The following RPTOR variants were observed in gnomAD, a reference collection of about 807,000 sequenced individuals.
RPTOR encodes regulatory associated protein of MTOR complex 1, also known as regulatory-associated protein of mTOR.
In RPTOR, 21 loss-of-function variants were observed where a neutral mutation model predicts 169.9. The observed-to-expected ratio is 0.12, with a 90% CI of 0.09 to 0.18. The LOEUF is 0.18. Ranked by LOEUF, RPTOR falls within the 10% of genes least tolerant of loss-of-function variation. The pLI is 1.00. For synonymous variants in RPTOR, 732 were observed against 753.2 expected (o/e 0.97, Z 0.46); for missense variants, 1,133 against 1,855.9 (o/e 0.61, Z 7.16).
chr17:80,962,562 C>T lies in RPTOR; in HGVS notation c.3794C>T (p.Ala1265Val), dbSNP rs1429511398. Residue 1265 changes from alanine to valine, a missense_variant, in exon 32 of 34, where the codon GCG (alanine) becomes GTG (valine). This residue lies in a region of RPTOR where 410 missense variants were observed against 623.7 expected (regional missense o/e 0.66). Coordinates refer to ENST00000306801, the MANE Select transcript of RPTOR (RefSeq NM_020761.3). ...GLTALDIHPQ[A>V]DLIACGSVNQ... ...ACGGCCCTGGACATCCACCCCCAGG[C>T]GGACCTGATCGCATGGTAGGCGCCA... 2.1e-5 allele frequency: 34 copies of T among 1,613,240 alleles called. No individual in the cohort carries two copies. The highest frequency in any genetic ancestry group is 4.0e-5 in the African/African-American group (3 of 74,932).
chr17:80,764,416 G>GT (rs929310152), intron 6 of RPTOR, among the ~76,000 whole-genome samples: 9 of 149,494 alleles, frequency 6.0e-5, no homozygotes, highest in Non-Finnish European at 1.0e-4. Context: ...GCAGTGTTTG[G>GT]TTTTTTGTCC....
chr17:80,886,292 C>T (rs1028577025), intron 17 of RPTOR, among the ~76,000 whole-genome samples: 1 of 152,206 alleles, frequency 6.6e-6, no homozygotes, highest in Admixed American at 6.5e-5. Context: ...ATCGTGTGTA[C>T]CCTTCTAGAA....
intron 4 of RPTOR, among the ~76,000 whole-genome samples, chr17:80,719,511 T>A (rs886742557): frequency 6.6e-6 from 1 of 152,184 alleles, no homozygotes; most frequent in Non-Finnish European, 1.5e-5. Flanking sequence ...TAAAGCCCCT[T>A]AAGGGCACAG....
chr17:80,889,856 C>T (rs1161002498), intron 17 of RPTOR, among the ~76,000 whole-genome samples: 31 of 121,622 alleles, frequency 2.5e-4, no homozygotes, highest in South Asian at 1.1e-3. Context: ...GGGAGGCCCC[C>T]GTATGCAGCA....
At chr17:80,802,008 C>T (rs1024609376) in intron 7 of RPTOR, 1 of 152,224 alleles carries the variant, frequency 6.6e-6, no homozygotes, top group Non-Finnish European at 1.5e-5. Flanking sequence ...GGGTCCCCTT[C>T]GTGTTCGATG....
At chr17:80,889,856 CGT>C (rs2068295756) in intron 17 of RPTOR, among the ~76,000 whole-genome samples, 2 of 121,536 alleles carry the variant, frequency 1.6e-5, no homozygotes, top group Non-Finnish European at 3.6e-5. Context: ...GGGAGGCCCC[CGT>C]ATGCAGCAGG....
intron 21 of RPTOR, among the ~76,000 whole-genome samples, chr17:80,922,408 G>A (rs771448542): frequency 6.6e-6 from 1 of 152,182 alleles, no homozygotes; most frequent in African/African-American, 2.4e-5. Flanking sequence ...AGGGTGGGCC[G>A]TCATCCATCT....
At chr17:80,728,490 T>C (rs897256400) in intron 4 of RPTOR, among the ~76,000 whole-genome samples, 26 of 145,834 alleles carry the variant, frequency 1.8e-4, no homozygotes, top group African/African-American at 6.3e-4. Flanking sequence ...GATAGCAAAA[T>C]ACCAAATGGC....
chr17:80,622,922 A>T (rs1157762614), intron 1 of RPTOR, among the ~76,000 whole-genome samples: 1 of 152,176 alleles, frequency 6.6e-6, no homozygotes, highest in African/African-American at 2.4e-5. Flanking sequence ...ACAAAACAAA[A>T]AAAGAAAGTG....
At chr17:80,626,927 T>A (rs1474989232) in intron 2 of RPTOR, among the ~76,000 whole-genome samples, 2 of 152,110 alleles carry the variant, frequency 1.3e-5, no homozygotes, top group Non-Finnish European at 2.9e-5. Context: ...AAACAGAAAC[T>A]CTGTCTCCAT....
intron 3 of RPTOR, among the ~76,000 whole-genome samples, chr17:80,679,775 T>C (rs1056342468): frequency 6.6e-6 from 1 of 152,268 alleles, no homozygotes; most frequent in African/African-American, 2.4e-5. Flanking sequence ...CATTCAAAGT[T>C]CTGCCTCAAG....
At chr17:80,673,800 G>A (rs1480421994) in intron 3 of RPTOR, among the ~76,000 whole-genome samples, 1 of 152,240 alleles carries the variant, frequency 6.6e-6, no homozygotes, top group East Asian at 1.9e-4. Context: ...AGCATTGGCA[G>A]CCATCAAATG....
intron 15 of RPTOR, 47 bp from the exon 16 acceptor site, chr17:80,883,734 G>A (rs2068211070): frequency 6.2e-7 from 1 of 1,604,130 alleles, no homozygotes; most frequent in African/African-American, 1.3e-5. Context: ...CCACGTGCCT[G>A]CCATTGGCAG....
chr17:80,892,088 T>C (rs928915867), intron 18 of RPTOR, among the ~76,000 whole-genome samples: 2 of 152,238 alleles, frequency 1.3e-5, no homozygotes, highest in Non-Finnish European at 2.9e-5. Context: ...CACAGAGACC[T>C]TGAAGTATGA....
Position 80,838,187 on chromosome 17 carries a change from T to A in RPTOR, c.1212+190T>A, listed in dbSNP as rs759837444. 3.9e-5 allele frequency among the ~76,000 whole-genome samples: 6 copies of A among 152,366 alleles called. No homozygotes were observed. In the East Asian group the frequency reaches 1.2e-3, roughly 29 times the overall value. On this transcript the variant is annotated intron_variant, in intron 10 of 33. Transcript: ENST00000306801. Reference sequence around the variant, plus strand: ...TCAACCAGGGTTTAAAGTTAAACTTTGAAAGAATCAACTTTTAAAACAGTC... The same window carrying A: ...TCAACCAGGGTTTAAAGTTAAACTTAGAAAGAATCAACTTTTAAAACAGTC...
rs1384748140 is a variant in RPTOR at position 80,695,407 on chromosome 17, C to G, written c.349-12434C>G. The stretch of plus-strand genomic sequence containing the variant: ...GTGAATCATTGATTTGGGGCTGAGA[C>G]TTAAGTTTCCCATCTCTGGGCGGGA... On this transcript the variant is annotated intron_variant, in intron 3 of 33. Transcript: ENST00000306801. The surrounding 1 kb of genome is among the most constrained non-coding windows in gnomAD (Gnocchi z 4.9). 6.6e-6 allele frequency among the ~76,000 whole-genome samples: 1 copy of G among 152,210 alleles called. No homozygotes were observed. The highest frequency in any genetic ancestry group is 1.5e-5 in the Non-Finnish European group (1 of 68,036).
chr17:80,545,646 T>C lies in RPTOR; in HGVS notation c.17T>C (p.Leu6Pro). Residue 6 changes from leucine (L) to proline (P), a missense_variant, in exon 1 of 34, where the codon CTG becomes CCG. Leu to Pro is a moderately conservative substitution (Grantham distance 98). Around this residue, in one of 9 missense-constraint regions of RPTOR, gnomAD observed 47 missense variants for 59.5 expected, o/e 0.79. Transcript: ENST00000306801. The part of the protein sequence containing the change: MESEM[L>P]QSPLLGLGEE... ...CCCCCACTGATGGAGTCCGAAATGCTGCAATCGCCTCTTCTGGGCCTGGGG... is the reference window on the plus strand; with the variant it reads ...CCCCCACTGATGGAGTCCGAAATGCCGCAATCGCCTCTTCTGGGCCTGGGG... 2.5e-6 allele frequency: 4 copies of C among 1,612,120 alleles called. No individual in the cohort carries two copies. The highest frequency in any genetic ancestry group is 3.4e-6 in the Non-Finnish European group (4 of 1,179,030).
chr17:80,775,023 C>T (rs1462235969), intron 6 of RPTOR, among the ~76,000 whole-genome samples: 2 of 152,234 alleles, frequency 1.3e-5, no homozygotes, highest in Non-Finnish European at 2.9e-5. Flanking sequence ...TGTCCGTCCT[C>T]CACTGTCTTG....
chr17:80,864,201 C>G (rs1476115354), intron 13 of RPTOR, among the ~76,000 whole-genome samples: 1 of 151,984 alleles, frequency 6.6e-6, no homozygotes, highest in Non-Finnish European at 1.5e-5. Context: ...AATCAAATTA[C>G]TTGAAAAACA....
Sources: allele counts gnomAD v4.1 joint callset (sites outside exome capture counted in the v4.1 genomes callset), GRCh38; gene constraint gnomAD v4.1.1; regional missense constraint gnomAD v4.1.1; non-coding constraint Gnocchi (gnomAD v3.1); transcripts MANE v1.5; gene names NCBI Gene and HGNC (gene_info 2026-07-23, HGNC 2026-07-21).